GAPVD1: variants seen among roughly 807,000 people sequenced by gnomAD.
The protein encoded by GAPVD1 is GTPase activating protein and VPS9 domains 1.
A neutral mutation model predicts 155.5 loss-of-function variants in GAPVD1; 35 were observed. The observed-to-expected ratio is 0.23, with a 90% confidence interval of 0.17 to 0.30. The LOEUF is 0.30. Among genes scored for constraint, GAPVD1 ranks in the 10% least tolerant of loss-of-function variants. The probability of loss-of-function intolerance (pLI) is 1.00; values close to 1 mark genes in which losing one functional copy is unlikely to be tolerated. For missense variants in GAPVD1, 1,429 were observed against 1,775.7 expected (o/e 0.80, Z 3.51); for synonymous variants, 636 against 619.7 (o/e 1.03, Z -0.39).
chr9:125,360,787 C>A, intron 27 of GAPVD1, 62 bp downstream of exon 27: 1 of 1,187,416 alleles, frequency 8.4e-7, no homozygotes, highest in Non-Finnish European at 1.3e-6. Flanking sequence ...TGGCACAGGG[C>A]TTCACACAAC....
At chr9:125,265,857 C>T (rs575082057) in intron 1 of GAPVD1, among the ~76,000 whole-genome samples, 11 of 144,908 alleles carry the variant, frequency 7.6e-5, no homozygotes, top group South Asian at 2.2e-4. Context: ...TCCTTGAACC[C>T]GGGAGTTCAA....
chr9:125,326,651 C>T, intron 12 of GAPVD1, 62 bp downstream of exon 12: 2 of 1,182,668 alleles, frequency 1.7e-6, no homozygotes, highest in Middle Eastern at 1.9e-4. Flanking sequence ...ACCAACCTTT[C>T]ATGGGAGGGA....
intron 4 of GAPVD1, among the ~76,000 whole-genome samples, chr9:125,300,603 C>T (rs1840711802): frequency 6.6e-6 from 1 of 152,024 alleles, no homozygotes; most frequent in African/African-American, 2.4e-5. Flanking sequence ...TCTTTGATGA[C>T]AGAAATCAGA....
rs778423426 is a variant in GAPVD1, at chr9:125,326,598, C to G, written c.2032+9C>G. ...CTTGCAAGAAATTGCAGGTAACTGCCATTTAATGTCTCTGAAATATCACGG... is the reference window on the plus strand; with the variant it reads ...CTTGCAAGAAATTGCAGGTAACTGCGATTTAATGTCTCTGAAATATCACGG... On this transcript the variant is annotated intron_variant, in intron 12 of 27. Transcript: ENST00000297933. 6.3e-7 allele frequency: 1 copy of G among 1,581,596 alleles called. No individual in the cohort carries two copies. Among genetic ancestry groups the G allele is most frequent in the South Asian group, 1.1e-5 (1 of 90,234 alleles).
intron 9 of GAPVD1, among the ~76,000 whole-genome samples, chr9:125,313,081 A>G (rs1842876568): frequency 1.3e-5 from 2 of 152,126 alleles, no homozygotes. Context: ...TTGCCTCCCA[A>G]AGTGCTGAGA....
At chr9:125,292,154 T>C (rs1838709619) in intron 2 of GAPVD1, among the ~76,000 whole-genome samples, 1 of 152,086 alleles carries the variant, frequency 6.6e-6, no homozygotes, top group South Asian at 2.1e-4. Context: ...AGAGGATTGC[T>C]TGAGTCTGGG....
At chr9:125,315,971 A>G (rs1472929120) in intron 9 of GAPVD1, among the ~76,000 whole-genome samples, 2 of 152,294 alleles carry the variant, frequency 1.3e-5, no homozygotes, top group Admixed American at 6.5e-5. Context: ...AACAGAGCCA[A>G]TCTTCAAAGA....
rs138904487 is a variant in GAPVD1, at chr9:125,275,597, G to A, written c.-150+6613G>A. 3.5e-3 allele frequency among the ~76,000 whole-genome samples: 530 copies of A among 152,050 alleles called. 1 individual carries two copies. Among genetic ancestry groups the A allele is most frequent in the Middle Eastern group, 6.8e-3 (2 of 294 alleles). ...AACCCTGTTTCTGCAAAAAATACAA[G>A]AGTTAGTTGGGCATGGTGGCACATA... is the stretch of plus-strand genomic sequence containing the variant. On this transcript the variant is annotated intron_variant, in intron 2 of 27. Coordinates refer to ENST00000297933, the MANE Select transcript of GAPVD1 (RefSeq NM_001282680.3).
At chr9:125,345,371 G>C (rs1848380896) in intron 19 of GAPVD1, among the ~76,000 whole-genome samples, 2 of 152,074 alleles carry the variant, frequency 1.3e-5, no homozygotes, top group Admixed American at 1.3e-4. Context: ...AGTAGAGTTG[G>C]GGTTTCGCCA....
intron 2 of GAPVD1, among the ~76,000 whole-genome samples, chr9:125,269,673 C>T (rs960950358): frequency 3.5e-5 from 5 of 141,922 alleles, no homozygotes; most frequent in Non-Finnish European, 7.5e-5. Context: ...GATCCACCCG[C>T]TGTGCTGGGA....
intron 2 of GAPVD1, among the ~76,000 whole-genome samples, chr9:125,285,551 C>G (rs1358497734): frequency 7.4e-6 from 1 of 135,514 alleles, no homozygotes; most frequent in Non-Finnish European, 1.5e-5. Context: ...CTCCTGCCTT[C>G]TGGGTTCAAG....
At chr9:125,282,472 C>A (rs1836950061) in intron 2 of GAPVD1, among the ~76,000 whole-genome samples, 1 of 152,084 alleles carries the variant, frequency 6.6e-6, no homozygotes, top group African/African-American at 2.4e-5. Context: ...TTAGTTAAGT[C>A]TTTTACACAT....
intron 2 of GAPVD1, among the ~76,000 whole-genome samples, chr9:125,280,319 C>T (rs956017415): frequency 8.1e-5 from 12 of 148,726 alleles, no homozygotes; most frequent in African/African-American, 2.2e-4. Context: ...TCGCTTGAAC[C>T]CAGGAGGCGG....
At chr9:125,278,462 A>G (rs1423389068) in intron 2 of GAPVD1, among the ~76,000 whole-genome samples, 2 of 152,198 alleles carry the variant, frequency 1.3e-5, no homozygotes, top group East Asian at 3.8e-4. Context: ...CGGAGGTTGC[A>G]GTGAGCCAAG....
At chr9:125,350,256 TG>T in intron 21 of GAPVD1, 38 bp from the exon 22 acceptor site, 1 of 1,161,626 alleles carries the variant, frequency 8.6e-7, no homozygotes, top group Non-Finnish European at 1.3e-6. Flanking sequence ...TGACCATATC[TG>T]GATAAAGAAA....
chr9:125,352,039 C>A (rs1018388861), intron 23 of GAPVD1, among the ~76,000 whole-genome samples: 2 of 152,158 alleles, frequency 1.3e-5, no homozygotes, highest in African/African-American at 4.8e-5. Context: ...CCACACCCAG[C>A]CAGGGTTCCC....
At chr9:125,293,844 AAT>A (rs1249684233) in intron 2 of GAPVD1, among the ~76,000 whole-genome samples, 1 of 69,146 alleles carries the variant, frequency 1.4e-5, no homozygotes, top group Non-Finnish European at 2.5e-5. Context: ...TATATATAAA[AAT>A]ATATTTTATA....
intron 15 of GAPVD1, 141 bp downstream of exon 15, chr9:125,332,770 TGTTC>T: frequency 3.1e-6 from 2 of 646,442 alleles, no homozygotes; most frequent in Non-Finnish European, 5.1e-6. Context: ...AGGTCTTAAA[TGTTC>T]ACATTCTAAA....
chr9:125,314,569 G>A (rs1410226400), intron 9 of GAPVD1, among the ~76,000 whole-genome samples: 1 of 151,936 alleles, frequency 6.6e-6, no homozygotes, highest in Non-Finnish European at 1.5e-5. Flanking sequence ...CAGGAGAATC[G>A]CTTGAACCCG....
Sources: allele counts gnomAD v4.1 joint callset (sites outside exome capture counted in the v4.1 genomes callset), GRCh38; gene constraint gnomAD v4.1.1; transcripts MANE v1.5; gene names NCBI Gene and HGNC (gene_info 2026-07-23, HGNC 2026-07-21).